FHIT: variants seen among roughly 807,000 people sequenced by gnomAD.
The protein encoded by FHIT is bis(5'-adenosyl)-triphosphatase.
FHIT carries 19 observed loss-of-function variants against 17.9 expected under a neutral mutation model. That is an observed-to-expected ratio of 1.06 (90% confidence interval 0.74 to 1.56). The LOEUF (loss-of-function observed/expected upper bound fraction) is 1.56. Ranked by LOEUF, FHIT falls within the 40% of genes most tolerant of loss-of-function variation. The pLI is 0.00. For missense variants in FHIT, 248 were observed against 189.2 expected, an observed-to-expected ratio of 1.31 and a Z score of -1.82; for synonymous variants, 81 against 69.7, an observed-to-expected ratio of 1.16 and a Z score of -0.81.
At chr3:60,772,153 AG>A (rs1553723240) in intron 4 of FHIT, among the ~76,000 whole-genome samples, 1 of 99,086 alleles carries the variant, frequency 1.0e-5, no homozygotes, top group African/African-American at 5.3e-5. Context: ...ATTCTTCAGA[AG>A]AAAAAAAAAA....
chr3:59,899,531 G>C (rs532044739), intron 8 of FHIT, among the ~76,000 whole-genome samples: 5 of 152,228 alleles, frequency 3.3e-5, no homozygotes, highest in African/African-American at 1.2e-4. Context: ...TCAATGGAAG[G>C]TTTAAGAATC....
chr3:60,191,345 CAACT>C (rs909391298), intron 5 of FHIT, among the ~76,000 whole-genome samples: 23 of 152,212 alleles, frequency 1.5e-4, no homozygotes, highest in African/African-American at 5.1e-4. Context: ...CTTTAATAAC[CAACT>C]GTTGACTAGT....
chr3:60,505,749 A>G (rs1446537438), intron 5 of FHIT, among the ~76,000 whole-genome samples: 2 of 152,160 alleles, frequency 1.3e-5, no homozygotes, highest in Admixed American at 6.5e-5. Context: ...CTTGGCCAAG[A>G]TGTTGACAAA....
chr3:60,643,438 T>C (rs1246435799), intron 4 of FHIT, among the ~76,000 whole-genome samples: 2 of 152,090 alleles, frequency 1.3e-5, no homozygotes, highest in Non-Finnish European at 1.5e-5. Context: ...AGAACCTGCA[T>C]AGACAAAGCA....
intron 2 of FHIT, among the ~76,000 whole-genome samples, chr3:61,111,960 G>C (rs776303227): frequency 1.3e-5 from 2 of 152,148 alleles, no homozygotes; most frequent in Admixed American, 1.3e-4. Context: ...GCCTCTATGC[G>C]TGGTGCTTTG....
At chr3:59,996,781 AT>A (rs1272620334) in intron 7 of FHIT, among the ~76,000 whole-genome samples, 2 of 152,140 alleles carry the variant, frequency 1.3e-5, no homozygotes, top group Non-Finnish European at 2.9e-5. Context: ...TTGAGAATGT[AT>A]TCCATTGCTA....
chr3:60,566,611 C>A (rs1341758881), intron 4 of FHIT, among the ~76,000 whole-genome samples: 2 of 152,064 alleles, frequency 1.3e-5, no homozygotes, highest in East Asian at 1.9e-4. Flanking sequence ...CTGGCCAGGG[C>A]AATCAGGCAG....
intron 4 of FHIT, among the ~76,000 whole-genome samples, chr3:60,683,745 C>G (rs1324324520): frequency 6.6e-6 from 1 of 152,064 alleles, no homozygotes; most frequent in Non-Finnish European, 1.5e-5. Context: ...GGTTATTTTA[C>G]TGTGTTTTAC....
intron 5 of FHIT, among the ~76,000 whole-genome samples, chr3:60,237,349 C>T (rs1211656711): frequency 6.8e-6 from 1 of 147,768 alleles, no homozygotes; most frequent in African/African-American, 2.6e-5. Context: ...CATATTTACA[C>T]CTACCATGGT....
intron 4 of FHIT, among the ~76,000 whole-genome samples, chr3:60,545,100 A>T (rs202113140): frequency 9.9e-3 from 30 of 3,026 alleles, no homozygotes; most frequent in Admixed American, 0.01. Context: ...TTTACTAAAG[A>T]TTTTTTTTTT....
At chr3:60,210,105 A>G (rs924373107) in intron 5 of FHIT, among the ~76,000 whole-genome samples, 1 of 152,160 alleles carries the variant, frequency 6.6e-6, no homozygotes, top group Non-Finnish European at 1.5e-5. Flanking sequence ...AAAACCAAAA[A>G]AAAGTTTCTT....
Position 60,128,868 on chromosome 3 carries a change from C to T in FHIT, c.104-114716G>A, listed in dbSNP as rs1234819489. Among the ~76,000 whole-genome samples the T allele has an allele frequency of 2.0e-5, 3 of 152,154 alleles. No individual in the cohort carries two copies. The East Asian group carries it at 5.8e-4, about 29-fold the overall frequency. On this transcript the variant is annotated intron_variant, in intron 5 of 9. Coordinates refer to ENST00000492590, the MANE Select transcript of FHIT (RefSeq NM_002012.4). ...TATTCCATCTCCATATACCTCAAGA[C>T]TCCTAACACAGTTCTTTGCACATAA... is the stretch of plus-strand genomic sequence containing the variant.
At chr3:59,907,039 GA>G (rs1311789639) in intron 8 of FHIT, among the ~76,000 whole-genome samples, 3 of 152,216 alleles carry the variant, frequency 2.0e-5, no homozygotes, top group African/African-American at 7.2e-5. Flanking sequence ...TATCAGAGCT[GA>G]AAGCAGGCTT....
chr3:59,977,806 G>C (rs1575804277), intron 7 of FHIT, among the ~76,000 whole-genome samples: 1 of 152,126 alleles, frequency 6.6e-6, no homozygotes, highest in East Asian at 1.9e-4. Context: ...AATAAACCAA[G>C]GACAAATTTC....
intron 1 of FHIT, among the ~76,000 whole-genome samples, chr3:61,250,087 T>C (rs2040581262): frequency 6.6e-6 from 1 of 152,186 alleles, no homozygotes; most frequent in Admixed American, 6.5e-5. Flanking sequence ...ATGGGAGTTG[T>C]AGTTCCGAGT....
At chr3:60,510,974 G>C (rs1279011957) in intron 5 of FHIT, among the ~76,000 whole-genome samples, 1 of 152,082 alleles carries the variant, frequency 6.6e-6, no homozygotes, top group African/African-American at 2.4e-5. Flanking sequence ...TCCAGTAAGG[G>C]GGTGAAAAGT....
At chr3:60,254,268 T>C (rs1438629041) in intron 5 of FHIT, among the ~76,000 whole-genome samples, 1 of 152,202 alleles carries the variant, frequency 6.6e-6, no homozygotes, top group Non-Finnish European at 1.5e-5. Context: ...AGTGAAGAGT[T>C]CCCAGTGCAA....
intron 3 of FHIT, among the ~76,000 whole-genome samples, chr3:60,888,772 G>A (rs1553759891): frequency 6.6e-6 from 1 of 152,134 alleles, no homozygotes; most frequent in African/African-American, 2.4e-5. Flanking sequence ...TCTGTAACAT[G>A]TATTTATTTA....
At chr3:60,985,875 G>A (rs920496275) in intron 3 of FHIT, among the ~76,000 whole-genome samples, 1 of 152,130 alleles carries the variant, frequency 6.6e-6, no homozygotes, top group Non-Finnish European at 1.5e-5. Flanking sequence ...GTTCCTTCTG[G>A]AGGCTCCAGG....
Sources: allele counts gnomAD v4.1 joint callset (sites outside exome capture counted in the v4.1 genomes callset), GRCh38; gene constraint gnomAD v4.1.1; transcripts MANE v1.5; gene names NCBI Gene and HGNC (gene_info 2026-07-23, HGNC 2026-07-21).